The following NRF1 variants were observed in gnomAD, a reference collection of about 807,000 sequenced individuals.
NRF1 encodes the protein nuclear respiratory factor 1, also known as alpha palindromic-binding protein.
Under a neutral mutation model 58.5 loss-of-function variants are expected in NRF1, and 5 were observed. The observed-to-expected ratio is 0.09, with a 90% CI of 0.04 to 0.18. NRF1 has a LOEUF of 0.18. NRF1 is among the 10% of genes least tolerant of loss of function. The pLI, the probability that NRF1 is intolerant of heterozygous loss-of-function variation, is 1.00. For synonymous variants in NRF1, 224 were observed against 246.7 expected (o/e 0.91, Z 0.86); for missense variants, 288 against 657.7 (o/e 0.44, Z 6.15).
At chr7:129,621,579 G>A (rs541295193) in intron 1 of NRF1, among the ~76,000 whole-genome samples, 29 of 152,112 alleles carry the variant, frequency 1.9e-4, no homozygotes, top group Non-Finnish European at 3.2e-4. Flanking sequence ...CAAAGAACTA[G>A]CCAAGATTTG....
chr7:129,642,720 A>G (rs1398148850), intron 1 of NRF1, among the ~76,000 whole-genome samples: 3 of 151,004 alleles, frequency 2.0e-5, no homozygotes, highest in African/African-American at 7.3e-5. Flanking sequence ...CCCCCAAAGA[A>G]CACAAGTCAC....
intron 2 of NRF1, among the ~76,000 whole-genome samples, chr7:129,663,689 G>A (rs1801849707): frequency 6.6e-6 from 1 of 152,066 alleles, no homozygotes; most frequent in Non-Finnish European, 1.5e-5. Context: ...ACGATGGGCG[G>A]CCAGGCAGAG....
chr7:129,690,386 C>G lies in NRF1; in HGVS notation c.466-20C>G. On this transcript the variant is annotated intron_variant, in intron 4 of 10. Transcript: ENST00000393232. ...TGGTTGTTGGGCATCTTGTTTACTT[C>G]TGCCCTTAATTCCCTGCAGGTGCGT... 6.2e-7 allele frequency: 1 copy of G among 1,607,494 alleles called. No individual in the cohort carries two copies. Among genetic ancestry groups the G allele is most frequent in the East Asian group, 2.2e-5 (1 of 44,602 alleles).
chr7:129,699,865 C>T (rs1388106355), intron 5 of NRF1, among the ~76,000 whole-genome samples: 1 of 151,836 alleles, frequency 6.6e-6, no homozygotes, highest in Admixed American at 6.6e-5. Context: ...ATAGGCCGGG[C>T]GCAGTGGCTC....
intron 2 of NRF1, among the ~76,000 whole-genome samples, chr7:129,668,460 A>G (rs1342767132): frequency 2.6e-5 from 4 of 152,218 alleles, no homozygotes; most frequent in Non-Finnish European, 5.9e-5. Context: ...TTCTATTTAA[A>G]TACTGGGATC....
At chr7:129,704,519 T>C (rs903100303) in intron 5 of NRF1, among the ~76,000 whole-genome samples, 1 of 152,222 alleles carries the variant, frequency 6.6e-6, no homozygotes, top group African/African-American at 2.4e-5. Context: ...ATTTAGACTT[T>C]GATAGAAACT....
intron 1 of NRF1, among the ~76,000 whole-genome samples, chr7:129,628,059 T>C (rs1800960015): frequency 1.4e-5 from 1 of 73,120 alleles, no homozygotes; most frequent in Non-Finnish European, 2.8e-5. Context: ...TTTTTTTTTT[T>C]TTGAGACGGA....
chr7:129,681,922 CAA>C (rs201830378), intron 4 of NRF1, among the ~76,000 whole-genome samples: 4 of 117,576 alleles, frequency 3.4e-5, no homozygotes, highest in Non-Finnish European at 1.8e-5. Flanking sequence ...CTCATCTCTA[CAA>C]AAAAAAAAAA....
At chr7:129,750,715 G>A (rs1804095519) in intron 10 of NRF1, among the ~76,000 whole-genome samples, 1 of 152,208 alleles carries the variant, frequency 6.6e-6, no homozygotes, top group Non-Finnish European at 1.5e-5. Context: ...GGCCAAATAT[G>A]CTTCTTCCCT....
intron 1 of NRF1, among the ~76,000 whole-genome samples, chr7:129,651,793 T>C (rs1419114721): frequency 6.6e-6 from 1 of 152,194 alleles, no homozygotes; most frequent in African/African-American, 2.4e-5. Flanking sequence ...TAAATTGTTT[T>C]AGAGTAGTAC....
At chr7:129,659,461 T>C (rs1801734331) in intron 2 of NRF1, among the ~76,000 whole-genome samples, 1 of 152,234 alleles carries the variant, frequency 6.6e-6, no homozygotes, top group African/African-American at 2.4e-5. Context: ...TACTTCTGCC[T>C]AAAGACACCA....
chr7:129,749,399 G>C (rs1241625722), intron 10 of NRF1, among the ~76,000 whole-genome samples: 3 of 149,488 alleles, frequency 2.0e-5, no homozygotes, highest in Admixed American at 6.8e-5. Context: ...GGAAAAGCAT[G>C]TTTCACCATT....
intron 1 of NRF1, among the ~76,000 whole-genome samples, chr7:129,635,763 C>T (rs1801157524): frequency 1.3e-5 from 2 of 152,140 alleles, no homozygotes; most frequent in Non-Finnish European, 2.9e-5. Context: ...TGCAAGAGGA[C>T]ATCTAGTGAT....
Position 129,710,553 on chromosome 7 carries a change from C to T in NRF1, c.945C>T (p.Gly315=). ...TVVQTFSNPD[G]TVSLIQVGTG... is the part of the protein sequence containing the mutation. ...TCCAGACTTTTAGTAACCCTGATGG[C>T]ACTGTCTCACTTATCCAGGTGAGTA... Residue 315 remains glycine (G), a synonymous_variant, in exon 7 of 11, where the codon GGC becomes GGT. Transcript: ENST00000393232. 1 of 1,543,900 alleles carries T rather than the reference C, an allele frequency of 6.5e-7. No individual in the cohort carries two copies. Among genetic ancestry groups the T allele is most frequent in the Non-Finnish European group, 9.0e-7 (1 of 1,115,880 alleles).
chr7:129,709,227 G>A lies in NRF1; in HGVS notation c.759G>A (p.Lys253=). 1 of 1,486,298 alleles carries A rather than the reference G, an allele frequency of 6.7e-7. No homozygotes were observed. The allele number at this position is 1,486,298 out of a possible 1,614,324, so 92.1% of individuals were successfully genotyped here. ...GTGATGTCCGCACAGAAGAGCAAAAGCAGAGGGTGAGAGTTCCTCTGACTG... is the reference window on the plus strand; with the variant it reads ...GTGATGTCCGCACAGAAGAGCAAAAACAGAGGGTGAGAGTTCCTCTGACTG... The part of the protein sequence containing the change: ...VRSDVRTEEQ[K]QRVSWTQALR... The change falls in exon 6 of 11, where the codon AAG becomes AAA. Residue 253 remains lysine, a synonymous_variant. Coordinates refer to ENST00000393232, the MANE Select transcript of NRF1 (RefSeq NM_005011.5).
chr7:129,654,791 A>T lies in NRF1; in HGVS notation c.-6-2555A>T, dbSNP rs1801614655. 1.3e-5 allele frequency among the ~76,000 whole-genome samples: 2 copies of T among 152,064 alleles called. 1 individual carries two copies. Among genetic ancestry groups the T allele is most frequent in the South Asian group, 4.1e-4 (2 of 4,820 alleles). On this transcript the variant is annotated intron_variant, in intron 1 of 10. Coordinates refer to ENST00000393232, the MANE Select transcript of NRF1 (RefSeq NM_005011.5). ...TCTATTTATGTGGGTCTATTTCTGG[A>T]CCTTCTCTTCTGTTACATTGGTCTA...
At chr7:129,623,751 C>CT (rs1022769112) in intron 1 of NRF1, among the ~76,000 whole-genome samples, 2 of 151,946 alleles carry the variant, frequency 1.3e-5, no homozygotes, top group African/African-American at 2.4e-5. Flanking sequence ...ATTTTTTTCT[C>CT]TTAAGTATAG....
At chr7:129,631,500 C>T (rs1483132444) in intron 1 of NRF1, among the ~76,000 whole-genome samples, 1 of 152,120 alleles carries the variant, frequency 6.6e-6, no homozygotes, top group African/African-American at 2.4e-5. Flanking sequence ...ATTCCTAGCT[C>T]AATCAGTTCT....
chr7:129,704,006 T>C (rs1413533888), intron 5 of NRF1, among the ~76,000 whole-genome samples: 1 of 152,154 alleles, frequency 6.6e-6, no homozygotes, highest in African/African-American at 2.4e-5. Flanking sequence ...GGTTACCCTT[T>C]TTTCTGACAA....
Sources: allele counts gnomAD v4.1 joint callset (sites outside exome capture counted in the v4.1 genomes callset), GRCh38; gene constraint gnomAD v4.1.1; transcripts MANE v1.5; gene names NCBI Gene and HGNC (gene_info 2026-07-23, HGNC 2026-07-21).